OPCML: variants seen among roughly 807,000 people sequenced by gnomAD.
OPCML encodes the protein opioid-binding protein/cell adhesion molecule.
Under a neutral mutation model 37.8 loss-of-function variants are expected in OPCML, and 13 were observed. That is an observed-to-expected ratio of 0.34 (90% CI 0.22 to 0.55). OPCML has a LOEUF of 0.55. OPCML is among the 20% of genes least tolerant of loss of function. OPCML has a pLI of 0.91. For missense variants in OPCML, 341 were observed against 435.6 expected, an observed-to-expected ratio of 0.78 and a Z score of 1.93; for synonymous variants, 176 against 168.8, an observed-to-expected ratio of 1.04 and a Z score of -0.33.
chr11:133,196,914 G>A (rs1014190449), intron 1 of OPCML, among the ~76,000 whole-genome samples: 10 of 152,162 alleles, frequency 6.6e-5, no homozygotes, highest in African/African-American at 2.4e-4. Context: ...GCAATTCTGT[G>A]TACAATTTGA....
chr11:133,100,041 C>T (rs138447352), intron 1 of OPCML, among the ~76,000 whole-genome samples: 20 of 152,078 alleles, frequency 1.3e-4, no homozygotes, highest in South Asian at 2.1e-4. Context: ...CAGCTGGAGG[C>T]GATTATCATA....
intron 1 of OPCML, among the ~76,000 whole-genome samples, chr11:133,167,029 G>A (rs1950217218): frequency 6.6e-6 from 1 of 152,098 alleles, no homozygotes; most frequent in African/African-American, 2.4e-5. Context: ...AAATATCAGT[G>A]CCTAGAAGTA....
intron 1 of OPCML, among the ~76,000 whole-genome samples, chr11:133,322,148 T>C (rs1943344432): frequency 6.6e-6 from 1 of 152,222 alleles, no homozygotes; most frequent in Admixed American, 6.5e-5. Context: ...GGCCATAGGC[T>C]GCAACCTATG....
At chr11:132,956,062 G>C (rs1282850139) in intron 1 of OPCML, among the ~76,000 whole-genome samples, 2 of 152,130 alleles carry the variant, frequency 1.3e-5, no homozygotes, top group Non-Finnish European at 2.9e-5. Context: ...AGATATCATA[G>C]CTATTCAAGA....
intron 1 of OPCML, among the ~76,000 whole-genome samples, chr11:133,357,478 G>A (rs1021097173): frequency 6.6e-6 from 1 of 152,166 alleles, no homozygotes; most frequent in Admixed American, 6.5e-5. Context: ...GCAGTTCTTG[G>A]CAACAGCTCA....
intron 1 of OPCML, among the ~76,000 whole-genome samples, chr11:133,267,716 C>A (rs1244669586): frequency 6.6e-6 from 1 of 152,084 alleles, no homozygotes; most frequent in Non-Finnish European, 1.5e-5. Context: ...GGGAGGGACC[C>A]AGTGGGAGGT....
At chr11:133,319,910 T>G (rs1943290709) in intron 1 of OPCML, among the ~76,000 whole-genome samples, 1 of 152,174 alleles carries the variant, frequency 6.6e-6, no homozygotes, top group Non-Finnish European at 1.5e-5. Context: ...AAAACAGAAT[T>G]TTTTGGAATT....
At chr11:132,503,897 T>C (rs1169753844) in intron 4 of OPCML, among the ~76,000 whole-genome samples, 1 of 152,126 alleles carries the variant, frequency 6.6e-6, no homozygotes, top group African/African-American at 2.4e-5. Context: ...GTTTGCAAAA[T>C]TGAAGAAAAT....
At chr11:133,127,543 G>A (rs549215787) in intron 1 of OPCML, among the ~76,000 whole-genome samples, 322 of 152,026 alleles carry the variant, frequency 2.1e-3, no homozygotes, top group Non-Finnish European at 3.9e-3. Flanking sequence ...TGAGGTGGGA[G>A]GATCACTTGA....
At chr11:133,178,074 G>A (rs1231541707) in intron 1 of OPCML, among the ~76,000 whole-genome samples, 1 of 152,180 alleles carries the variant, frequency 6.6e-6, no homozygotes, top group African/African-American at 2.4e-5. Context: ...ACTGACAATA[G>A]ATGAGCAGAT....
At chr11:133,326,300 G>A (rs1023278465) in intron 1 of OPCML, among the ~76,000 whole-genome samples, 22 of 50,620 alleles carry the variant, frequency 4.3e-4, no homozygotes, top group East Asian at 4.1e-3. Flanking sequence ...TGTGTGTGGG[G>A]GTGTGGGTAT....
intron 1 of OPCML, among the ~76,000 whole-genome samples, chr11:133,157,452 T>G (rs1950078573): frequency 6.6e-6 from 1 of 152,124 alleles, no homozygotes; most frequent in Non-Finnish European, 1.5e-5. Context: ...TTTATACCCA[T>G]TTTGGGCTCT....
At chr11:132,730,008 C>CT (rs11389495) in intron 2 of OPCML, among the ~76,000 whole-genome samples, 18,988 of 88,372 alleles carry the variant, frequency 0.21, 3,495 homozygotes, top group African/African-American at 0.29. Context: ...TTCTATGTGA[C>CT]TTTTTTTTTT....
rs182589306 is a variant in OPCML, at chr11:132,975,264, T to C, written c.62-32254A>G. Among the ~76,000 whole-genome samples, 9 of 151,804 alleles carry C rather than the reference T, an allele frequency of 5.9e-5. No homozygotes were observed. The East Asian group carries it at 1.8e-3, about 30-fold the overall frequency. On this transcript the variant is annotated intron_variant, in intron 1 of 7. Transcript: ENST00000524381. Reference sequence around the variant, plus strand: ...GTATCCTGAAGAAAAATAAAGCAGATAAAAGAATAACAAATGATGGAAGTT... The same window carrying C: ...GTATCCTGAAGAAAAATAAAGCAGACAAAAGAATAACAAATGATGGAAGTT...
intron 1 of OPCML, among the ~76,000 whole-genome samples, chr11:132,990,245 G>A (rs557305864): frequency 1.3e-5 from 2 of 152,310 alleles, no homozygotes; most frequent in East Asian, 3.9e-4. Context: ...CGAGTCCTTT[G>A]TGTGCACAGA....
chr11:132,880,511 A>C (rs1398358347), intron 2 of OPCML, among the ~76,000 whole-genome samples: 3 of 152,270 alleles, frequency 2.0e-5, no homozygotes, highest in Non-Finnish European at 4.4e-5. Flanking sequence ...AGCAGCAACT[A>C]TCCAGATGCT....
intron 1 of OPCML, among the ~76,000 whole-genome samples, chr11:133,398,717 A>G (rs776091194): frequency 5.3e-5 from 8 of 152,198 alleles, no homozygotes; most frequent in Non-Finnish European, 1.2e-4. Context: ...TATAGGGACC[A>G]TGAAGGGTAA....
chr11:132,820,102 T>TGAAA (rs199776209), intron 2 of OPCML, among the ~76,000 whole-genome samples: 62 of 131,504 alleles, frequency 4.7e-4, no homozygotes, highest in African/African-American at 1.6e-3. Context: ...AATGAATGAA[T>TGAAA]GAAAGAAACC....
intron 1 of OPCML, among the ~76,000 whole-genome samples, chr11:133,148,345 C>A (rs904276457): frequency 6.6e-6 from 1 of 152,176 alleles, no homozygotes; most frequent in Non-Finnish European, 1.5e-5. Flanking sequence ...CAGCCAGAGA[C>A]GATAAACTTG....
Sources: allele counts gnomAD v4.1 joint callset (sites outside exome capture counted in the v4.1 genomes callset), GRCh38; gene constraint gnomAD v4.1.1; transcripts MANE v1.5; gene names NCBI Gene and HGNC (gene_info 2026-07-23, HGNC 2026-07-21).